Variants in PDE1C observed in about 807,000 individuals in gnomAD.
PDE1C encodes phosphodiesterase 1C.
Under a neutral mutation model 93.1 loss-of-function variants are expected in PDE1C, and 62 were observed. That is an observed-to-expected ratio of 0.67 (90% CI 0.54 to 0.82). The LOEUF is 0.82. PDE1C is among the 40% of genes least tolerant of loss of function. The probability of loss-of-function intolerance (pLI) is 0.00; values close to 1 mark genes in which losing one functional copy is unlikely to be tolerated. For missense variants in PDE1C, 742 were observed against 884.6 expected (o/e 0.84, Z 2.04); for synonymous variants, 325 against 310.1 (o/e 1.05, Z -0.50).
intron 5 of PDE1C, among the ~76,000 whole-genome samples, chr7:31,877,680 G>A (rs1796759510): frequency 6.9e-6 from 1 of 145,332 alleles, no homozygotes; most frequent in Non-Finnish European, 1.5e-5. Context: ...ATCTCGTATG[G>A]CAAAATCAGA....
chr7:32,209,908 C>G (rs1457373623), intron 1 of PDE1C, among the ~76,000 whole-genome samples: 1 of 152,182 alleles, frequency 6.6e-6, no homozygotes, highest in Non-Finnish European at 1.5e-5. Flanking sequence ...ACAGTGCTGT[C>G]TGTCAACATG....
chr7:32,209,600 C>T (rs879690916), intron 1 of PDE1C: 2 of 1,350,200 alleles, frequency 1.5e-6, no homozygotes, highest in Non-Finnish European at 2.0e-6. Flanking sequence ...CCAAATATGC[C>T]CCAATACAGC....
At chr7:31,828,223 G>T in intron 12 of PDE1C, 69 bp downstream of exon 12, 1 of 1,242,744 alleles carries the variant, frequency 8.0e-7, no homozygotes, top group Non-Finnish European at 1.2e-6. Flanking sequence ...GAACCACTGG[G>T]ATCATCTGTG....
chr7:32,358,264 C>G (rs1256591175), intron 1 of PDE1C, among the ~76,000 whole-genome samples: 1 of 152,130 alleles, frequency 6.6e-6, no homozygotes, highest in Non-Finnish European at 1.5e-5. Flanking sequence ...AGTATCTTTC[C>G]TTCTGCAACC....
the PDE1C span, among the ~76,000 whole-genome samples, chr7:31,700,109 G>A: frequency 6.6e-6 from 1 of 152,148 alleles, no homozygotes; most frequent in African/African-American, 2.4e-5. Flanking sequence ...AAATGATTAG[G>A]CTTAGTGAGA....
rs149290595 is a variant in PDE1C at position 32,020,424 on chromosome 7, A to G, written c.128+31130T>C. Among the ~76,000 whole-genome samples, 702 of 152,114 alleles carry G rather than the reference A, an allele frequency of 4.6e-3. 8 individuals carry two copies. The highest frequency in any genetic ancestry group is 0.016 in the African/African-American group (675 of 41,532). ...AAAAAAATTTTTTTAAGGGAAATTAATTTTATAAATTCTAAATTTATTTTT... is the reference window on the plus strand; with the variant it reads ...AAAAAAATTTTTTTAAGGGAAATTAGTTTTATAAATTCTAAATTTATTTTT... On this transcript the variant is annotated intron_variant, in intron 2 of 17. Coordinates refer to ENST00000396191, the MANE Select transcript of PDE1C (RefSeq NM_001191057.4).
rs1252961190 is a variant in PDE1C, at chr7:31,956,367, C to G, written c.129-75507G>C. 2.6e-5 allele frequency among the ~76,000 whole-genome samples: 4 copies of G among 152,254 alleles called. No individual in the cohort carries two copies. In the East Asian group the frequency reaches 7.7e-4, roughly 29 times the overall value. On this transcript the variant is annotated intron_variant, in intron 2 of 17. Coordinates refer to ENST00000396191, the MANE Select transcript of PDE1C (RefSeq NM_001191057.4). ...AGGGCCTCCCAAAGTGCTGGGATTA[C>G]AGGTGTGAGCCACTGCACCCAGCCC...
intron 1 of PDE1C, among the ~76,000 whole-genome samples, chr7:32,361,866 T>C (rs1051408065): frequency 1.2e-4 from 19 of 152,178 alleles, no homozygotes; most frequent in African/African-American, 4.3e-4. Flanking sequence ...GATAAAAAAG[T>C]AAATGTGTCT....
At chr7:32,028,108 T>G (rs1393043809) in intron 2 of PDE1C, among the ~76,000 whole-genome samples, 1 of 152,140 alleles carries the variant, frequency 6.6e-6, no homozygotes, top group Non-Finnish European at 1.5e-5. Flanking sequence ...AATTTAAAAT[T>G]TTCTAAGTAG....
chr7:32,052,178 A>C, intron 1 of PDE1C: 1 of 404,636 alleles, frequency 2.5e-6, no homozygotes, highest in South Asian at 1.8e-5. Context: ...GAGGAAGGGG[A>C]CAATGAGAAA....
At chr7:31,815,308 G>A (rs933288842) in intron 15 of PDE1C, among the ~76,000 whole-genome samples, 7 of 152,082 alleles carry the variant, frequency 4.6e-5, no homozygotes, top group African/African-American at 1.7e-4. Context: ...GCTAAGCATG[G>A]TGCTTGGCAC....
chr7:32,211,385 T>A (rs1038513115), intron 1 of PDE1C, among the ~76,000 whole-genome samples: 22 of 152,314 alleles, frequency 1.4e-4, no homozygotes, highest in Admixed American at 1.4e-3. Context: ...TTCACATTCA[T>A]ATTCCTGCCT....
chr7:32,006,480 G>T (rs1051892746), intron 2 of PDE1C, among the ~76,000 whole-genome samples: 1 of 152,142 alleles, frequency 6.6e-6, no homozygotes, highest in African/African-American at 2.4e-5. Flanking sequence ...GCCATGGTTT[G>T]GGTGTCAGAT....
At chr7:31,899,673 A>G (rs1799737745) in intron 2 of PDE1C, among the ~76,000 whole-genome samples, 1 of 152,086 alleles carries the variant, frequency 6.6e-6, no homozygotes, top group Non-Finnish European at 1.5e-5. Context: ...GAGACAGAGA[A>G]GGACAAAGGC....
chr7:32,255,440 G>A (rs977839283), intron 1 of PDE1C, among the ~76,000 whole-genome samples: 51 of 152,142 alleles, frequency 3.4e-4, no homozygotes, highest in African/African-American at 1.1e-3. Context: ...CTGGCTTCAG[G>A]ATCATTTAAT....
chr7:31,994,920 T>A (rs537606311), intron 2 of PDE1C, among the ~76,000 whole-genome samples: 1 of 152,154 alleles, frequency 6.6e-6, no homozygotes, highest in Non-Finnish European at 1.5e-5. Context: ...GCAGCAAAAT[T>A]CCTGGCCCTA....
intron 7 of PDE1C, among the ~76,000 whole-genome samples, chr7:31,852,863 T>TC (rs1793519974): frequency 6.6e-6 from 1 of 151,616 alleles, no homozygotes; most frequent in Non-Finnish European, 1.5e-5. Context: ...CAGTTTTTTT[T>TC]CCATTTTGGC....
chr7:32,201,748 T>C (rs929716851), intron 2 of PDE1C, among the ~76,000 whole-genome samples: 5 of 152,208 alleles, frequency 3.3e-5, no homozygotes, highest in Non-Finnish European at 5.9e-5. Context: ...AAAATTTTTA[T>C]TGGTGGTAGA....
intron 1 of PDE1C, among the ~76,000 whole-genome samples, chr7:32,402,749 G>A (rs1784974561): frequency 6.6e-6 from 1 of 152,144 alleles, no homozygotes. Flanking sequence ...AATAGAAATA[G>A]TATTTATATA....
Sources: allele counts gnomAD v4.1 joint callset (sites outside exome capture counted in the v4.1 genomes callset), GRCh38; gene constraint gnomAD v4.1.1; transcripts MANE v1.5; gene names NCBI Gene and HGNC (gene_info 2026-07-23, HGNC 2026-07-21).